INTS9: variants seen among roughly 807,000 people sequenced by gnomAD.
INTS9 encodes integrator complex subunit 9.
In INTS9, 55 loss-of-function variants were observed where a neutral mutation model predicts 79.7. That is an observed-to-expected ratio of 0.69 (90% CI 0.56 to 0.86). The LOEUF (loss-of-function observed/expected upper bound fraction) is 0.86, where lower values mean the gene tolerates loss of function less well. Among genes scored for constraint, INTS9 ranks in the 40% least tolerant of loss-of-function variants. The pLI, the probability that INTS9 is intolerant of heterozygous loss-of-function variation, is 0.00. For synonymous variants in INTS9, 319 were observed against 325.2 expected (o/e 0.98, Z 0.20); for missense variants, 721 against 831.5 (o/e 0.87, Z 1.64).
chr8:28,889,693 G>C (rs776710950), intron 1 of INTS9, 181 bp downstream of exon 1: 14 of 612,722 alleles, frequency 2.3e-5, no homozygotes, highest in African/African-American at 1.3e-4. Context: ...GGGATGGGGT[G>C]GGGGAGAGGG....
At chr8:28,781,140 A>G in intron 11 of INTS9, 146 bp from the exon 12 acceptor site, 1 of 633,864 alleles carries the variant, frequency 1.6e-6, no homozygotes, top group Non-Finnish European at 2.7e-6. Context: ...TGCAAAAGTC[A>G]CACCTGAGAG....
rs184031649 is a variant in INTS9 at position 28,768,189 on chromosome 8, A to G, written c.1934T>C (p.Val645Ala). 1 of 1,614,110 alleles carries G rather than the reference A, an allele frequency of 6.2e-7. No homozygotes were observed. Among genetic ancestry groups the G allele is most frequent in the East Asian group, 2.2e-5 (1 of 44,880 alleles). ...TTTGAGGACAAGGTCCCGCAGTCGC[A>G]CTCTGAGCATCTCGTCATTGTCGCA... The part of the protein sequence containing the change: ...IICDNDEMLR[V>A]RLRDLVLKFL... The change falls in exon 17 of 17, where the codon GTG (valine) becomes GCG (alanine). Residue 645 changes from valine (V) to alanine (A), a missense_variant. Val to Ala is a moderately conservative substitution (Grantham distance 64). This residue lies in a region of INTS9 where 281 missense variants were observed against 300.8 expected (regional missense o/e 0.93). Coordinates refer to ENST00000521022, the MANE Select transcript of INTS9 (RefSeq NM_018250.4).
chr8:28,777,720 G>T (rs1306144552), intron 13 of INTS9, 109 bp downstream of exon 13: 10 of 1,292,390 alleles, frequency 7.7e-6, no homozygotes, highest in Non-Finnish European at 1.0e-5. Context: ...CGTGAGAACT[G>T]AAGACAAGAA....
chr8:28,876,759 TA>T (rs1165263217), intron 1 of INTS9, among the ~76,000 whole-genome samples: 1 of 151,884 alleles, frequency 6.6e-6, no homozygotes, highest in Non-Finnish European at 1.5e-5. Flanking sequence ...TATTAAAAAT[TA>T]AAATTCAACA....
In INTS9 at chr8:28,796,620, A is replaced by C. The variant is rs771733417; in HGVS notation, c.780T>G (p.Val260=). The C allele has an allele frequency of 3.7e-6, 6 of 1,614,048 alleles. No individual in the cohort carries two copies. In the East Asian group the frequency reaches 1.3e-4, roughly 36 times the overall value. The change falls in exon 9 of 17, where the codon GTT becomes GTG. Residue 260 remains valine, a synonymous_variant. Coordinates refer to ENST00000521022, the MANE Select transcript of INTS9 (RefSeq NM_018250.4). The stretch of plus-strand genomic sequence containing the variant: ...TCTGGGTAAGCCCTGTCAGAACAAG[A>C]ACATCGCTGTTTTTGAGAGAAGCTT... The part of the protein sequence containing the change: ...MDQASLKNSD[V]LVLTGLTQIP...
intron 16 of INTS9, 135 bp downstream of exon 16, chr8:28,769,754 C>T: frequency 8.4e-7 from 1 of 1,184,930 alleles, no homozygotes; most frequent in Non-Finnish European, 1.2e-6. Flanking sequence ...GGACCTTAGA[C>T]CAAACAGATG....
intron 6 of INTS9, among the ~76,000 whole-genome samples, chr8:28,835,084 A>C (rs1487598049): frequency 1.3e-5 from 2 of 152,052 alleles, no homozygotes; most frequent in Non-Finnish European, 2.9e-5. Context: ...GTTCCTAAAA[A>C]CTCTGGTACC....
At position 28,776,440 on chromosome 8, in the gene INTS9, GT is replaced by G. The variant is rs58428614; in HGVS notation, c.1396-515del. 1.5e-4 allele frequency among the ~76,000 whole-genome samples: 12 copies of G among 79,214 alleles called. No individual in the cohort carries two copies. The South Asian group carries it at 3.8e-3, about 25-fold the overall frequency. 52.0% of individuals were successfully genotyped at this position (79,214 alleles called of 152,430 possible). On this transcript the variant is annotated intron_variant, in intron 13 of 16. Transcript: ENST00000521022. ...AGCAGAGGCAGAGTTTTTTTTTTTT[GT>G]TTTTTTTTTTAAACAAAATGTCTCT...
intron 6 of INTS9, among the ~76,000 whole-genome samples, chr8:28,815,792 C>T (rs1585402761): frequency 6.6e-6 from 1 of 152,062 alleles, no homozygotes; most frequent in African/African-American, 2.4e-5. Flanking sequence ...CACAGAAAAC[C>T]AAGTGAGAAT....
chr8:28,876,805 C>A (rs1228903403), intron 1 of INTS9, among the ~76,000 whole-genome samples: 2 of 151,952 alleles, frequency 1.3e-5, no homozygotes, highest in African/African-American at 4.8e-5. Context: ...AAATAAATAG[C>A]CTTCTTATAT....
intron 8 of INTS9, chr8:28,796,932 G>T (rs563210829): frequency 2.2e-5 from 7 of 314,722 alleles, no homozygotes; most frequent in Middle Eastern, 1.0e-3. Flanking sequence ...ACACATTTAA[G>T]ATCTTTGTGT....
At chr8:28,793,785 A>G (rs79346388) in intron 10 of INTS9, 22 bp downstream of exon 10, 1 of 1,518,164 alleles carries the variant, frequency 6.6e-7, no homozygotes, top group Non-Finnish European at 8.9e-7. Flanking sequence ...TTCACAAAAA[A>G]AAAAAAAAAC....
chr8:28,816,250 C>A (rs547963876), intron 6 of INTS9, among the ~76,000 whole-genome samples: 1 of 150,870 alleles, frequency 6.6e-6, no homozygotes, highest in Non-Finnish European at 1.5e-5. Flanking sequence ...TGTGCTGCAC[C>A]CATTAACTCG....
intron 12 of INTS9, 102 bp from the exon 13 acceptor site, chr8:28,778,055 T>G: frequency 7.6e-7 from 1 of 1,310,334 alleles, no homozygotes; most frequent in Non-Finnish European, 1.0e-6. Flanking sequence ...AGTCAGGGGG[T>G]CAGGAGGGAG....
In INTS9 at chr8:28,768,326, C is replaced by T. The variant is rs373421512; in HGVS notation, c.1801-4G>A. 1.9e-6 allele frequency: 3 copies of T among 1,612,744 alleles called. No individual in the cohort carries two copies. On this transcript the variant is annotated splice_region_variant and splice_polypyrimidine_tract_variant and intron_variant, in intron 16 of 16. Coordinates refer to ENST00000521022, the MANE Select transcript of INTS9 (RefSeq NM_018250.4). ...CCTTAATATCACTGAAGCCATGCTG[C>T]TCCAGAAGAAAAGAAAGAGGTGGGC...
At chr8:28,787,554 C>CA (rs1273870437) in intron 11 of INTS9, among the ~76,000 whole-genome samples, 16 of 152,310 alleles carry the variant, frequency 1.1e-4, no homozygotes, top group African/African-American at 3.8e-4. Context: ...TTGGGATGCT[C>CA]AACCAGTAAG....
At chr8:28,781,635 G>A (rs1465569495) in intron 11 of INTS9, among the ~76,000 whole-genome samples, 5 of 152,150 alleles carry the variant, frequency 3.3e-5, no homozygotes, top group African/African-American at 7.2e-5. Context: ...GCCAAGCTAC[G>A]AAAAGACATG....
chr8:28,816,646 T>C (rs1355512625), intron 6 of INTS9, among the ~76,000 whole-genome samples: 4 of 149,138 alleles, frequency 2.7e-5, no homozygotes, highest in African/African-American at 1.0e-4. Flanking sequence ...CAGCATGACT[T>C]ATAGTCCTTT....
chr8:28,821,631 G>A (rs1433697013), intron 6 of INTS9, among the ~76,000 whole-genome samples: 1 of 152,168 alleles, frequency 6.6e-6, no homozygotes, highest in African/African-American at 2.4e-5. Flanking sequence ...AGGGGGCTGT[G>A]ATTGGACTGG....
Sources: gnomAD v4.1 joint callset for allele counts (sites outside exome capture counted in the v4.1 genomes callset) on GRCh38, gnomAD v4.1.1 for gene constraint, gnomAD v4.1.1 regional missense constraint, MANE v1.5 for transcripts, NCBI Gene and HGNC (gene_info 2026-07-23, HGNC 2026-07-21) for gene names.